Variants in CIB4 observed in about 807,000 individuals in gnomAD.
CIB4 encodes calcium and integrin-binding family member 4.
A neutral mutation model predicts 25.8 loss-of-function variants in CIB4; 25 were observed. The observed-to-expected ratio is 0.97, with a 90% CI of 0.71 to 1.35. CIB4 has a LOEUF of 1.35. Among genes scored for constraint, CIB4 ranks in the 40% most tolerant of loss-of-function variants. The pLI, the probability that CIB4 is intolerant of heterozygous loss-of-function variation, is 0.00. For missense variants in CIB4, 235 were observed against 228.2 expected (o/e 1.03, Z -0.19); for synonymous variants, 75 against 81.4 (o/e 0.92, Z 0.42).
At chr2:26,630,775 C>T (rs374443494) in intron 2 of CIB4, among the ~76,000 whole-genome samples, 13 of 152,242 alleles carry the variant, frequency 8.5e-5, no homozygotes, top group East Asian at 1.9e-4. Flanking sequence ...GAAACGTCAG[C>T]GCAGTGTTTG....
At chr2:26,597,387 T>C (rs556200539) in intron 3 of CIB4, among the ~76,000 whole-genome samples, 7 of 151,052 alleles carry the variant, frequency 4.6e-5, no homozygotes, top group African/African-American at 1.7e-4. Context: ...ATATAGCCCA[T>C]GACACATTTC....
intron 3 of CIB4, among the ~76,000 whole-genome samples, chr2:26,625,237 C>CATAG (rs1669279601): frequency 6.6e-6 from 1 of 152,082 alleles, no homozygotes. Flanking sequence ...TCCCTCTGTG[C>CATAG]ATAGCGCTGG....
intron 3 of CIB4, among the ~76,000 whole-genome samples, chr2:26,604,000 C>CT (rs1180608529): frequency 2.3e-5 from 3 of 131,584 alleles, no homozygotes; most frequent in African/African-American, 6.3e-5. Context: ...AAGAGCATAC[C>CT]TTAAAAAAAA....
chr2:26,638,768 C>T (rs1219539163), intron 2 of CIB4, among the ~76,000 whole-genome samples: 8 of 152,168 alleles, frequency 5.3e-5, no homozygotes, highest in Non-Finnish European at 1.2e-4. Context: ...GCCTGGCCAA[C>T]ATGGTGAAAC....
chr2:26,595,272 C>T lies in CIB4; in HGVS notation c.232G>A (p.Gly78Ser). ...AGCACATCCTCAAAGGAGAACATGC[C>T]TTTGTGGGAGAACACTCTGCAGATA... ...DRICRVFSHK[G>S]MFSFEDVLGM... The change falls in exon 4 of 7, where the codon GGC becomes AGC. Residue 78 changes from glycine (G) to serine (S), a missense_variant. Coordinates refer to ENST00000288861, the MANE Select transcript of CIB4 (RefSeq NM_001029881.3). 6.2e-7 allele frequency: 1 copy of T among 1,614,136 alleles called. No homozygotes were observed. Among genetic ancestry groups the T allele is most frequent in the Non-Finnish European group, 8.5e-7 (1 of 1,179,994 alleles).
At chr2:26,606,255 A>G (rs1231122048) in intron 3 of CIB4, among the ~76,000 whole-genome samples, 1 of 152,248 alleles carries the variant, frequency 6.6e-6, no homozygotes, top group Non-Finnish European at 1.5e-5. Context: ...TTTCTTCAGA[A>G]CCAGACAGCG....
chr2:26,591,010 G>A (rs1193852984), intron 4 of CIB4, among the ~76,000 whole-genome samples: 1 of 152,208 alleles, frequency 6.6e-6, no homozygotes, highest in Non-Finnish European at 1.5e-5. Context: ...CTTGTGCCTT[G>A]AAGCCCAAGG....
chr2:26,595,810 C>T (rs533480444), intron 3 of CIB4, among the ~76,000 whole-genome samples: 1 of 152,214 alleles, frequency 6.6e-6, no homozygotes, highest in Non-Finnish European at 1.5e-5. Context: ...GGGACCTCCC[C>T]TTGTCTTTGC....
chr2:26,613,043 C>A (rs1669026034), intron 3 of CIB4, among the ~76,000 whole-genome samples: 1 of 152,180 alleles, frequency 6.6e-6, no homozygotes, highest in African/African-American at 2.4e-5. Flanking sequence ...AGGATCCTTT[C>A]CCCAAGGCCT....
chr2:26,593,429 T>C (rs1668625165), intron 4 of CIB4, among the ~76,000 whole-genome samples: 1 of 151,922 alleles, frequency 6.6e-6, no homozygotes, highest in South Asian at 2.1e-4. Flanking sequence ...CACATATATA[T>C]ACACACTATA....
Position 26,582,836 on chromosome 2 carries a change from T to C in CIB4, c.516A>G (p.Pro172=). ...CCAGAATGCCTTACTTCATGAAATC[T>C]GGAGACTTGGCCATTGCATGTTCAA... is the stretch of plus-strand genomic sequence containing the variant. ...SEFEHAMAKS[P]DFMNSFRIHF... Residue 172 remains proline (P), a synonymous_variant, in exon 6 of 7, where the codon CCA becomes CCG. Transcript: ENST00000288861. 1 of 1,611,510 alleles carries C rather than the reference T, an allele frequency of 6.2e-7. No homozygotes were observed. Among genetic ancestry groups the C allele is most frequent in the Non-Finnish European group, 8.5e-7 (1 of 1,177,632 alleles).
At chr2:26,614,317 G>A (rs1669051239) in intron 3 of CIB4, among the ~76,000 whole-genome samples, 1 of 152,168 alleles carries the variant, frequency 6.6e-6, no homozygotes, top group South Asian at 2.1e-4. Context: ...GGGAGTGCCG[G>A]ACTGTGGCCG....
chr2:26,608,221 C>A (rs556416176), intron 3 of CIB4, among the ~76,000 whole-genome samples: 2 of 125,410 alleles, frequency 1.6e-5, no homozygotes, highest in South Asian at 2.8e-4. Context: ...GCCTGGGCAA[C>A]AGAGTTAGAC....
chr2:26,628,426 G>A (rs959508403), intron 3 of CIB4, among the ~76,000 whole-genome samples: 47 of 152,112 alleles, frequency 3.1e-4, no homozygotes, highest in Non-Finnish European at 6.0e-4. Flanking sequence ...CAAGACCAGG[G>A]AAGGTTTGCC....
chr2:26,620,517 T>C (rs1353443917), intron 3 of CIB4, among the ~76,000 whole-genome samples: 3 of 151,854 alleles, frequency 2.0e-5, no homozygotes, highest in Non-Finnish European at 4.4e-5. Context: ...AACTGGGGAG[T>C]GAATAAACAT....
intron 4 of CIB4, 42 bp from the exon 5 acceptor site, chr2:26,583,940 G>A: frequency 7.6e-7 from 1 of 1,313,912 alleles, no homozygotes; most frequent in Non-Finnish European, 1.1e-6. Context: ...GGAGCTGGGG[G>A]CTAAACAGGA....
At chr2:26,629,584 A>G in intron 2 of CIB4, 78 bp from the exon 3 acceptor site, 1 of 963,364 alleles carries the variant, frequency 1.0e-6, no homozygotes, top group Non-Finnish European at 1.6e-6. Flanking sequence ...GAGGCCAGCA[A>G]GCCTGTCTCC....
intron 3 of CIB4, among the ~76,000 whole-genome samples, chr2:26,606,848 G>C (rs114516026): frequency 0.012 from 1,844 of 152,324 alleles, 42 homozygotes; most frequent in African/African-American, 0.043. Flanking sequence ...CTGTCTCCTA[G>C]TGACAGATGG....
chr2:26,640,360 C>T (rs563235655), intron 2 of CIB4, among the ~76,000 whole-genome samples, 173 bp downstream of exon 2: 65 of 152,236 alleles, frequency 4.3e-4, no homozygotes, highest in Non-Finnish European at 8.8e-4. Flanking sequence ...CTCTGCGGAT[C>T]GTGGCCCCTG....
Sources: gnomAD v4.1 joint callset for allele counts (sites outside exome capture counted in the v4.1 genomes callset) on GRCh38, gnomAD v4.1.1 for gene constraint, MANE v1.5 for transcripts, NCBI Gene and HGNC (gene_info 2026-07-23, HGNC 2026-07-21) for gene names.